The following ULK4 variants were observed in gnomAD, a reference collection of about 807,000 sequenced individuals.
ULK4 encodes the protein inactive serine/threonine-protein kinase ULK4.
Under a neutral mutation model 160.6 loss-of-function variants are expected in ULK4, and 133 were observed. The observed-to-expected ratio is 0.83, with a 90% confidence interval of 0.72 to 0.96. ULK4 has a LOEUF of 0.96. Ranked by LOEUF, ULK4 falls within the 40% of genes least tolerant of loss-of-function variation. ULK4 has a pLI of 0.00. For synonymous variants in ULK4, 534 were observed against 539.8 expected (o/e 0.99, Z 0.15); for missense variants, 1,580 against 1,499.5 (o/e 1.05, Z -0.89).
chr3:41,340,038 A>G (rs188208356), intron 35 of ULK4, among the ~76,000 whole-genome samples: 1 of 152,390 alleles, frequency 6.6e-6, no homozygotes, highest in Admixed American at 6.5e-5. Context: ...TTAGCTTATC[A>G]ATCTTCATTC....
intron 34 of ULK4, among the ~76,000 whole-genome samples, chr3:41,419,709 C>T (rs1267322163): frequency 1.3e-5 from 2 of 152,142 alleles, no homozygotes; most frequent in Admixed American, 1.3e-4. Flanking sequence ...GAGCAAAGTG[C>T]TGGCATCACT....
chr3:41,391,817 T>C (rs1041493794), intron 35 of ULK4, among the ~76,000 whole-genome samples: 1 of 152,200 alleles, frequency 6.6e-6, no homozygotes, highest in East Asian at 1.9e-4. Flanking sequence ...GGAATAGATA[T>C]TTGTAACATA....
intron 30 of ULK4, among the ~76,000 whole-genome samples, chr3:41,627,812 A>T (rs1190767271): frequency 2.0e-5 from 3 of 152,152 alleles, no homozygotes; most frequent in Admixed American, 1.3e-4. Flanking sequence ...GCTAGCCCAA[A>T]CTGGTGAGAG....
In ULK4 at chr3:41,800,237, G is replaced by C; in HGVS notation, c.1905C>G (p.Thr635=). ...AAKIIENVCT[T]FSAQSQGFIT... Reference sequence around the variant, plus strand: ...TAAAGCCCTGGGACTGAGCAGAAAAGGTGGTACAGACATTTTCAATAATTT... The same window carrying C: ...TAAAGCCCTGGGACTGAGCAGAAAACGTGGTACAGACATTTTCAATAATTT... Residue 635 remains threonine, a synonymous_variant, in exon 20 of 37, where the codon ACC becomes ACG. Transcript: ENST00000301831. The C allele has an allele frequency of 2.5e-6, 4 of 1,613,494 alleles. No individual in the cohort carries two copies. The highest frequency in any genetic ancestry group is 3.4e-6 in the Non-Finnish European group (4 of 1,179,794).
In ULK4 at chr3:41,776,141, C is replaced by A. The variant is rs147107538; in HGVS notation, c.2193+13520G>T. On this transcript the variant is annotated intron_variant, in intron 21 of 36. Coordinates refer to ENST00000301831, the MANE Select transcript of ULK4 (RefSeq NM_017886.4). ...CTGTCAGACTTACATGTTCGCCAAT[C>A]TGAAGATTATAGAATAGTCATTTTA... Among the ~76,000 whole-genome samples, 238 of 151,142 alleles carry A rather than the reference C, an allele frequency of 1.6e-3. 3 individuals carry two copies. Among genetic ancestry groups the A allele is most frequent in the East Asian group, 0.013 (69 of 5,182 alleles).
At chr3:41,947,354 G>C (rs1034197174) in intron 2 of ULK4, among the ~76,000 whole-genome samples, 1 of 152,162 alleles carries the variant, frequency 6.6e-6, no homozygotes, top group Non-Finnish European at 1.5e-5. Context: ...AAAAGCAAGG[G>C]AAAGTACTGA....
At chr3:41,668,749 T>C (rs2035433754) in intron 29 of ULK4, among the ~76,000 whole-genome samples, 1 of 152,132 alleles carries the variant, frequency 6.6e-6, no homozygotes, top group Non-Finnish European at 1.5e-5. Context: ...CTCAAGAAAA[T>C]GTATCTCTAA....
chr3:41,726,558 C>G (rs2037659614), intron 22 of ULK4, among the ~76,000 whole-genome samples: 1 of 152,158 alleles, frequency 6.6e-6, no homozygotes, highest in Admixed American at 6.5e-5. Context: ...AGATAACACA[C>G]TGAAAAGAAA....
At chr3:41,557,967 C>G (rs537808723) in intron 32 of ULK4, among the ~76,000 whole-genome samples, 2 of 152,120 alleles carry the variant, frequency 1.3e-5, no homozygotes, top group Admixed American at 1.3e-4. Context: ...AATGGGGAAG[C>G]AAAACATGCT....
chr3:41,297,038 A>T (rs975986763), intron 35 of ULK4, among the ~76,000 whole-genome samples: 3 of 152,180 alleles, frequency 2.0e-5, no homozygotes, highest in Non-Finnish European at 2.9e-5. Context: ...CGCATTCCAC[A>T]AATTGAGCCT....
intron 22 of ULK4, among the ~76,000 whole-genome samples, chr3:41,730,085 TTC>T (rs796120400): frequency 7.9e-4 from 121 of 152,284 alleles, no homozygotes; most frequent in African/African-American, 2.9e-3. Context: ...AATTTAAAAA[TTC>T]TCTGATACAA....
rs367937438 is a variant in ULK4, at chr3:41,311,002, T to A, written c.3679-61428A>T. On this transcript the variant is annotated intron_variant, in intron 35 of 36. Transcript: ENST00000301831. ...AGGGAGACCTCGTCTCAAAAAAAAA[T>A]AATAATAATAAATAAATAAATAAAA... Among the ~76,000 whole-genome samples the A allele has an allele frequency of 6.4e-3, 963 of 149,446 alleles. 4 individuals carry two copies. Among genetic ancestry groups the A allele is most frequent in the East Asian group, 0.012 (59 of 5,092 alleles).
At chr3:41,596,594 T>G (rs2031705847) in intron 31 of ULK4, among the ~76,000 whole-genome samples, 1 of 152,128 alleles carries the variant, frequency 6.6e-6, no homozygotes, top group African/African-American at 2.4e-5. Context: ...CTGAGAGAAC[T>G]GTCATGGGTG....
intron 34 of ULK4, among the ~76,000 whole-genome samples, chr3:41,439,637 T>A (rs578156686): frequency 6.6e-6 from 1 of 152,214 alleles, no homozygotes; most frequent in African/African-American, 2.4e-5. Context: ...AGTAGCTTCA[T>A]AGTAAGTCTT....
chr3:41,821,470 C>A (rs1185259715), intron 18 of ULK4, among the ~76,000 whole-genome samples: 3 of 152,198 alleles, frequency 2.0e-5, no homozygotes, highest in African/African-American at 4.8e-5. Flanking sequence ...AAAGGAAAGA[C>A]AAACTTTCCT....
intron 31 of ULK4, among the ~76,000 whole-genome samples, chr3:41,605,408 G>A (rs889925167): frequency 1.3e-5 from 2 of 151,670 alleles, no homozygotes; most frequent in African/African-American, 4.8e-5. Flanking sequence ...GTTAAGGAAT[G>A]GAAAAGAATA....
intron 30 of ULK4, among the ~76,000 whole-genome samples, chr3:41,654,717 T>C (rs1431026439): frequency 3.3e-5 from 5 of 152,264 alleles, no homozygotes; most frequent in African/African-American, 7.2e-5. Context: ...TGACAAAAAC[T>C]ATGAATGTGC....
chr3:41,275,281 G>T (rs933821266), intron 35 of ULK4, among the ~76,000 whole-genome samples: 3 of 152,190 alleles, frequency 2.0e-5, no homozygotes, highest in African/African-American at 7.2e-5. Flanking sequence ...TTTACCTTCT[G>T]CCAAGTTAGA....
intron 31 of ULK4, among the ~76,000 whole-genome samples, chr3:41,613,047 C>T (rs946595745): frequency 6.6e-6 from 1 of 152,148 alleles, no homozygotes; most frequent in African/African-American, 2.4e-5. Context: ...AGCCAGAAGG[C>T]ATAAGTAGCA....
Sources: allele counts gnomAD v4.1 joint callset (sites outside exome capture counted in the v4.1 genomes callset), GRCh38; gene constraint gnomAD v4.1.1; transcripts MANE v1.5; gene names NCBI Gene and HGNC (gene_info 2026-07-23, HGNC 2026-07-21).